The following MOB4 variants were observed in gnomAD, a reference collection of about 807,000 sequenced individuals.
MOB4 encodes MOB family member 4, phocein.
A neutral mutation model predicts 32.2 loss-of-function variants in MOB4; 4 were observed. That is an observed-to-expected ratio of 0.12 (90% CI 0.06 to 0.28). The LOEUF (loss-of-function observed/expected upper bound fraction) is 0.28, where lower values mean the gene tolerates loss of function less well. MOB4 is among the 10% of genes least tolerant of loss of function. The pLI, the probability that MOB4 is intolerant of heterozygous loss-of-function variation, is 1.00. For missense variants in MOB4, 158 were observed against 271.2 expected (o/e 0.58, Z 2.93); for synonymous variants, 88 against 88.1 (o/e 1.00, Z 0.01).
chr2:197,549,838 A>G (rs1370834856), intron 6 of MOB4, among the ~76,000 whole-genome samples: 2 of 149,528 alleles, frequency 1.3e-5, no homozygotes, highest in South Asian at 2.1e-4. Flanking sequence ...GGCGTGAGCC[A>G]CCACACCTGG....
At chr2:197,518,236 T>G (rs1217303416) in intron 1 of MOB4, among the ~76,000 whole-genome samples, 1 of 151,958 alleles carries the variant, frequency 6.6e-6, no homozygotes, top group Non-Finnish European at 1.5e-5. Flanking sequence ...ACATAGTTGG[T>G]TTTCTTTTTT....
intron 1 of MOB4, among the ~76,000 whole-genome samples, chr2:197,517,232 T>C (rs540079339): frequency 6.6e-6 from 1 of 152,340 alleles, no homozygotes; most frequent in African/African-American, 2.4e-5. Context: ...CATAGTCTCC[T>C]GATTCTTAAT....
In MOB4 at chr2:197,523,831, C is replaced by T. The variant is rs2086562564; in HGVS notation, c.123+145C>T. On this transcript the variant is annotated intron_variant, in intron 2 of 7. Transcript: ENST00000323303. ...TTTCACAAAACAAAACAAAATAGTTCCTTTTACAACTCCAATAACCTAAGC... is the reference window on the plus strand; with the variant it reads ...TTTCACAAAACAAAACAAAATAGTTTCTTTTACAACTCCAATAACCTAAGC... 5 of 645,898 alleles carry T rather than the reference C, an allele frequency of 7.7e-6. No individual in the cohort carries two copies. The East Asian group carries it at 9.5e-5, about 12-fold the overall frequency. 40.0% of individuals were successfully genotyped at this position (645,898 alleles called of 1,614,324 possible). A position where few individuals can be genotyped will look rare whatever the true frequency, so the allele number is the denominator to read the frequency against.
At chr2:197,527,100 A>AT (rs202216533) in intron 2 of MOB4, among the ~76,000 whole-genome samples, 1,595 of 151,858 alleles carry the variant, frequency 0.011, 22 homozygotes, top group African/African-American at 0.036. Context: ...TATTTTCAAG[A>AT]TTTTTTTTGT....
chr2:197,521,594 C>G (rs1314666785), intron 1 of MOB4, among the ~76,000 whole-genome samples: 1 of 152,146 alleles, frequency 6.6e-6, no homozygotes, highest in African/African-American at 2.4e-5. Context: ...TTCACCCCTA[C>G]AGTTTCGACC....
At chr2:197,538,983 A>G (rs1574645974) in intron 3 of MOB4, among the ~76,000 whole-genome samples, 1 of 152,210 alleles carries the variant, frequency 6.6e-6, no homozygotes, top group Admixed American at 6.5e-5. Flanking sequence ...CTCTGTTACA[A>G]TGTGCAGTAA....
At chr2:197,548,813 T>C (rs1344797087) in intron 6 of MOB4, among the ~76,000 whole-genome samples, 3 of 152,164 alleles carry the variant, frequency 2.0e-5, no homozygotes, top group African/African-American at 7.2e-5. Context: ...TAGTACCTGT[T>C]CATATATGTC....
intron 5 of MOB4, among the ~76,000 whole-genome samples, chr2:197,546,030 C>T (rs1310747540): frequency 1.3e-5 from 2 of 151,832 alleles, no homozygotes; most frequent in Admixed American, 6.6e-5. Context: ...AAATTAATTT[C>T]ACCTCTTTCA....
At chr2:197,549,859 TA>T (rs573507195) in intron 6 of MOB4, among the ~76,000 whole-genome samples, 4,259 of 85,102 alleles carry the variant, frequency 0.05, 73 homozygotes, top group African/African-American at 0.068. Context: ...CCTTAATTTC[TA>T]AAAAAAAAAA....
At chr2:197,523,375 T>G (rs2086555505) in intron 1 of MOB4, among the ~76,000 whole-genome samples, 2 of 152,198 alleles carry the variant, frequency 1.3e-5, no homozygotes, top group South Asian at 4.1e-4. Context: ...GTGGGATGAT[T>G]GCTTACACCC....
intron 2 of MOB4, among the ~76,000 whole-genome samples, chr2:197,526,915 T>G (rs1224919330): frequency 6.6e-6 from 1 of 152,178 alleles, no homozygotes; most frequent in Non-Finnish European, 1.5e-5. Flanking sequence ...TTGTAGTAAG[T>G]TTTGAACTCA....
chr2:197,538,636 G>A (rs2086844622), intron 3 of MOB4, among the ~76,000 whole-genome samples: 1 of 152,180 alleles, frequency 6.6e-6, no homozygotes, highest in Admixed American at 6.5e-5. Flanking sequence ...CTGCACAACT[G>A]TGTACATGTT....
intron 5 of MOB4, among the ~76,000 whole-genome samples, chr2:197,541,802 C>G (rs1224946343): frequency 6.6e-6 from 1 of 151,414 alleles, no homozygotes; most frequent in Admixed American, 6.6e-5. Context: ...GCCTGTAGTC[C>G]CAGCTACTTG....
At chr2:197,520,149 A>G (rs1222009107) in intron 1 of MOB4, among the ~76,000 whole-genome samples, 1 of 150,922 alleles carries the variant, frequency 6.6e-6, no homozygotes, top group Non-Finnish European at 1.5e-5. Context: ...TTTACTATAT[A>G]TGCATTATAT....
intron 3 of MOB4, among the ~76,000 whole-genome samples, chr2:197,536,313 C>T (rs1026117160): frequency 5.3e-5 from 8 of 152,106 alleles, no homozygotes; most frequent in African/African-American, 1.9e-4. Flanking sequence ...AAGCAATCCT[C>T]CCACCTCAGC....
chr2:197,522,089 T>C (rs1281723207), intron 1 of MOB4, among the ~76,000 whole-genome samples: 1 of 152,192 alleles, frequency 6.6e-6, no homozygotes, highest in Non-Finnish European at 1.5e-5. Context: ...AACTAATAAA[T>C]GTCCATGAAA....
At chr2:197,537,990 G>A (rs1407275369) in intron 3 of MOB4, among the ~76,000 whole-genome samples, 1 of 152,102 alleles carries the variant, frequency 6.6e-6, no homozygotes, top group Non-Finnish European at 1.5e-5. Flanking sequence ...ATGTTGGTCA[G>A]GATGGTCTTG....
intron 1 of MOB4, among the ~76,000 whole-genome samples, chr2:197,522,466 G>T (rs2086538215): frequency 1.3e-5 from 2 of 151,298 alleles, no homozygotes; most frequent in South Asian, 4.2e-4. Flanking sequence ...GAGTAGCTGG[G>T]ATTACAGGCG....
chr2:197,534,502 G>C lies in MOB4; in HGVS notation c.124-1028G>C, dbSNP rs148059781. On this transcript the variant is annotated intron_variant, in intron 2 of 7. Coordinates refer to ENST00000323303, the MANE Select transcript of MOB4 (RefSeq NM_015387.5). ...ACAGTTAGAGTGATTATATTCACAGGGTTGCACAGCCATCACTACAGTCTA... is the reference window on the plus strand; with the variant it reads ...ACAGTTAGAGTGATTATATTCACAGCGTTGCACAGCCATCACTACAGTCTA... Among the ~76,000 whole-genome samples the C allele has an allele frequency of 2.4e-3, 372 of 152,050 alleles. 1 individual carries two copies. The highest frequency in any genetic ancestry group is 4.0e-3 in the Non-Finnish European group (274 of 67,984).
Sources: allele counts gnomAD v4.1 joint callset (sites outside exome capture counted in the v4.1 genomes callset), GRCh38; gene constraint gnomAD v4.1.1; transcripts MANE v1.5; gene names NCBI Gene and HGNC (gene_info 2026-07-23, HGNC 2026-07-21).